The following ATP6V1E1 variants were observed in gnomAD, a reference collection of about 807,000 sequenced individuals.
ATP6V1E1 encodes V-type proton ATPase subunit E 1.
In ATP6V1E1, 21 loss-of-function variants were observed where a neutral mutation model predicts 35.2. That is an observed-to-expected ratio of 0.60 (90% CI 0.42 to 0.86). The LOEUF (loss-of-function observed/expected upper bound fraction) is 0.86. ATP6V1E1 is among the 40% of genes least tolerant of loss of function. The pLI is 0.00. For synonymous variants in ATP6V1E1, 83 were observed against 87.8 expected, an observed-to-expected ratio of 0.95 and a Z score of 0.30; for missense variants, 183 against 272.6, an observed-to-expected ratio of 0.67 and a Z score of 2.32.
chr22:17,600,122 T>C (rs753571214), intron 5 of ATP6V1E1, 27 bp from the exon 6 acceptor site: 6 of 1,590,274 alleles, frequency 3.8e-6, no homozygotes, highest in Non-Finnish European at 5.2e-6. Flanking sequence ...ATACAGTCAG[T>C]AGAAAATGCA....
At chr22:17,609,795 C>T (rs990687917) in intron 4 of ATP6V1E1, among the ~76,000 whole-genome samples, 2 of 152,002 alleles carry the variant, frequency 1.3e-5, no homozygotes, top group Non-Finnish European at 2.9e-5. Flanking sequence ...TATCCTCCAC[C>T]TCAAAATTTG....
intron 2 of ATP6V1E1, among the ~76,000 whole-genome samples, chr22:17,616,631 A>C (rs1175604114): frequency 1.3e-5 from 2 of 148,854 alleles, no homozygotes; most frequent in African/African-American, 2.5e-5. Context: ...GTGAGCTGAG[A>C]TCGCGCCACT....
upstream of ATP6V1E1, chr22:17,628,802 C>T: frequency 2.3e-6 from 2 of 884,576 alleles, no homozygotes; most frequent in Non-Finnish European, 1.8e-6. Flanking sequence ...CCTCATGACC[C>T]TTCTCAGCCA....
chr22:17,599,923 CA>C (rs372976189), intron 6 of ATP6V1E1, 103 bp downstream of exon 6: 13,679 of 705,496 alleles, frequency 0.019, no homozygotes, highest in South Asian at 0.027. Flanking sequence ...GAGACTCCAC[CA>C]AAAAAAAAAG....
At chr22:17,624,628 G>A (rs1568895776) in intron 1 of ATP6V1E1, among the ~76,000 whole-genome samples, 1 of 152,060 alleles carries the variant, frequency 6.6e-6, no homozygotes, top group Admixed American at 6.6e-5. Context: ...AGACCAGCCT[G>A]GCCAACGTGG....
chr22:17,605,102 G>C (rs1225997159), intron 4 of ATP6V1E1, among the ~76,000 whole-genome samples: 1 of 150,582 alleles, frequency 6.6e-6, no homozygotes, highest in Non-Finnish European at 1.5e-5. Flanking sequence ...CTACTGGGGA[G>C]GCTGAGGCAG....
intron 1 of ATP6V1E1, among the ~76,000 whole-genome samples, chr22:17,621,236 T>C (rs2146316322): frequency 6.6e-6 from 1 of 152,244 alleles, no homozygotes; most frequent in Middle Eastern, 3.4e-3. Flanking sequence ...AGAGATGCTT[T>C]CAAAATGCCT....
chr22:17,592,884 C>A, intron 8 of ATP6V1E1, 148 bp from the exon 9 acceptor site: 1 of 688,478 alleles, frequency 1.5e-6, no homozygotes, highest in African/African-American at 1.8e-5. Context: ...TCATTGCAAG[C>A]TCACGCCATT....
intron 4 of ATP6V1E1, among the ~76,000 whole-genome samples, chr22:17,607,460 C>G (rs2057792485): frequency 6.6e-6 from 1 of 152,170 alleles, no homozygotes; most frequent in South Asian, 2.1e-4. Flanking sequence ...TTCATTCCAT[C>G]TACCAGTTGC....
intron 5 of ATP6V1E1, 30 bp downstream of exon 5, chr22:17,601,062 A>C: frequency 6.3e-7 from 1 of 1,582,088 alleles, no homozygotes; most frequent in South Asian, 1.1e-5. Context: ...AACTGTGGCT[A>C]TCAACAGTAG....
At chr22:17,600,232 C>T (rs566253256) in intron 5 of ATP6V1E1, 137 bp from the exon 6 acceptor site, 406 of 686,302 alleles carry the variant, frequency 5.9e-4, no homozygotes, top group Middle Eastern at 4.5e-3. Flanking sequence ...CTCAGAAGTT[C>T]GAGACCAGCC....
chr22:17,601,259 G>C lies in ATP6V1E1; in HGVS notation c.277-78C>G. The C allele has an allele frequency of 2.6e-6, 3 of 1,149,262 alleles. No individual in the cohort carries two copies. The Admixed American group carries it at 6.2e-5, about 24-fold the overall frequency. 71.2% of individuals were successfully genotyped at this position (1,149,262 alleles called of 1,614,324 possible). A position where few individuals can be genotyped will look rare whatever the true frequency, so the allele number is the denominator to read the frequency against. ...AGAACCCACTGTGAGGCTGATCCTGGCTCATGCCCAGCTGCCTCACATTTT... is the reference window on the plus strand; with the variant it reads ...AGAACCCACTGTGAGGCTGATCCTGCCTCATGCCCAGCTGCCTCACATTTT... On this transcript the variant is annotated intron_variant, in intron 4 of 8. Transcript: ENST00000253413.
intron 2 of ATP6V1E1, among the ~76,000 whole-genome samples, chr22:17,615,207 A>G (rs2057837472): frequency 6.6e-6 from 1 of 152,126 alleles, no homozygotes; most frequent in East Asian, 1.9e-4. Context: ...AGGCTGAGGC[A>G]GGAGAATTGC....
intron 2 of ATP6V1E1, 22 bp downstream of exon 2, chr22:17,619,439 A>G (rs758627751): frequency 6.3e-7 from 1 of 1,583,784 alleles, no homozygotes; most frequent in Non-Finnish European, 8.6e-7. Flanking sequence ...ATAACTTCTT[A>G]AAACTAGAAA....
intron 4 of ATP6V1E1, among the ~76,000 whole-genome samples, chr22:17,602,542 T>G (rs796970500): frequency 3.9e-5 from 6 of 152,128 alleles, no homozygotes; most frequent in African/African-American, 1.4e-4. Flanking sequence ...ACCCAGTTAA[T>G]TTTTTTGTAT....
In ATP6V1E1 at chr22:17,597,012, C is replaced by T. The variant is rs1030820920; in HGVS notation, c.530+1182G>A. On this transcript the variant is annotated intron_variant, in intron 7 of 8. Coordinates refer to ENST00000253413, the MANE Select transcript of ATP6V1E1 (RefSeq NM_001696.4). ...AATCCCAGCACTTTGGGAGGCCGAG[C>T]GGGCAGATCACGAGGTCAGGAGATC... Among the ~76,000 whole-genome samples, 3 of 151,812 alleles carry T rather than the reference C, an allele frequency of 2.0e-5. 1 individual carries two copies. The highest frequency in any genetic ancestry group is 4.9e-5 in the African/African-American group (2 of 41,198).
intron 1 of ATP6V1E1, among the ~76,000 whole-genome samples, chr22:17,620,071 C>A (rs5747283): frequency 0.53 from 80,166 of 151,816 alleles, 22,176 homozygotes; most frequent in African/African-American, 0.68. Context: ...ATAAAGTGAC[C>A]ATCTCCTCGC....
At chr22:17,615,912 G>C (rs2057841742) in intron 2 of ATP6V1E1, among the ~76,000 whole-genome samples, 1 of 148,770 alleles carries the variant, frequency 6.7e-6, no homozygotes, top group Non-Finnish European at 1.5e-5. Context: ...GGTGCCTGTA[G>C]TCCCAGGTAC....
At chr22:17,594,118 C>T (rs2057719281) in intron 8 of ATP6V1E1, among the ~76,000 whole-genome samples, 1 of 152,132 alleles carries the variant, frequency 6.6e-6, no homozygotes. Flanking sequence ...AGGAGAATCG[C>T]TTGAACCTGG....
Sources: gnomAD v4.1 joint callset for allele counts (sites outside exome capture counted in the v4.1 genomes callset) on GRCh38, gnomAD v4.1.1 for gene constraint, MANE v1.5 for transcripts, NCBI Gene and HGNC (gene_info 2026-07-23, HGNC 2026-07-21) for gene names.